Variants in C12orf60 observed in about 807,000 individuals in gnomAD.
C12orf60 encodes chromosome 12 open reading frame 60.
For synonymous variants in C12orf60, 102 were observed against 94.6 expected (o/e 1.08, Z -0.45); for missense variants, 284 against 283.2 (o/e 1.00, Z -0.02).
intron 1 of C12orf60, among the ~76,000 whole-genome samples, chr12:14,815,555 G>A (rs1279183107): frequency 6.6e-6 from 1 of 152,090 alleles, no homozygotes; most frequent in Admixed American, 6.6e-5. Flanking sequence ...TGTCATGCTA[G>A]GAAATTGTAT....
In C12orf60 at chr12:14,806,464, T is replaced by C. The variant is rs1172534202; in HGVS notation, c.-25+2713T>C. The C allele has an allele frequency of 1.4e-5, 22 of 1,614,056 alleles. No homozygotes were observed. The highest frequency in any genetic ancestry group is 1.9e-5 in the Non-Finnish European group (22 of 1,180,042). On this transcript the variant is annotated intron_variant, in intron 1 of 1. Coordinates refer to ENST00000330828, the MANE Select transcript of C12orf60 (RefSeq NM_175874.4). ...TGCAATTCCTTTTGGATTTTCATAA[T>C]GGCTTGGATGATGAGGTCACAGTTT...
At position 14,823,116 on chromosome 12, in the gene C12orf60, G is replaced by GA. The variant is rs755243589; in HGVS notation, c.182dup (p.Gln62AlafsTer7). 6.2e-7 allele frequency: 1 copy of GA among 1,613,768 alleles called. No homozygotes were observed. Among genetic ancestry groups the GA allele is most frequent in the African/African-American group, 1.3e-5 (1 of 74,958 alleles). On this transcript the variant is annotated frameshift_variant, in exon 2 of 2. Coordinates refer to ENST00000330828, the MANE Select transcript of C12orf60 (RefSeq NM_175874.4). LOFTEE classifies it low-confidence loss of function (END_TRUNC). ...CAATAGTTACATTAAGGATTTTTTT[G>GA]AGCAAATGCTCAAAATTTTTAAGGA...
chr12:14,814,753 A>T (rs1950191234), intron 1 of C12orf60, among the ~76,000 whole-genome samples: 2 of 152,178 alleles, frequency 1.3e-5, no homozygotes, highest in South Asian at 4.1e-4. Context: ...CTGAAAGCTC[A>T]GATCAGTCTT....
intron 1 of C12orf60, chr12:14,806,827 G>A: frequency 1.2e-6 from 1 of 846,874 alleles, no homozygotes; most frequent in South Asian, 1.9e-5. Context: ...TAATTCCTCA[G>A]AACACTCAAC....
At chr12:14,811,001 A>G (rs953198388) in intron 1 of C12orf60, among the ~76,000 whole-genome samples, 6 of 152,184 alleles carry the variant, frequency 3.9e-5, no homozygotes, top group African/African-American at 1.4e-4. Flanking sequence ...TACTTTCTCC[A>G]TCTTATTCCA....
chr12:14,816,746 CTTTT>C (rs11430871), intron 1 of C12orf60, among the ~76,000 whole-genome samples: 2 of 138,024 alleles, frequency 1.4e-5, no homozygotes, highest in Non-Finnish European at 3.1e-5. Flanking sequence ...TATATTTTCT[CTTTT>C]TTTTTTTTTT....
At chr12:14,820,772 A>G (rs1950294132) in intron 1 of C12orf60, among the ~76,000 whole-genome samples, 1 of 152,082 alleles carries the variant, frequency 6.6e-6, no homozygotes, top group Admixed American at 6.6e-5. Flanking sequence ...AGGAGTACTG[A>G]CATCTTAGCA....
At chr12:14,817,225 G>C (rs191195264) in intron 1 of C12orf60, among the ~76,000 whole-genome samples, 2 of 152,146 alleles carry the variant, frequency 1.3e-5, no homozygotes, top group East Asian at 3.9e-4. Context: ...GTTAATTTAT[G>C]TATGTGTATG....
intron 1 of C12orf60, among the ~76,000 whole-genome samples, chr12:14,819,580 C>T (rs114416080): frequency 0.016 from 2,480 of 152,184 alleles, 63 homozygotes; most frequent in African/African-American, 0.056. Flanking sequence ...GTGAACATAC[C>T]TGACTAATTC....
At chr12:14,809,066 G>A (rs575233036) in intron 1 of C12orf60, among the ~76,000 whole-genome samples, 1 of 152,272 alleles carries the variant, frequency 6.6e-6, no homozygotes, top group South Asian at 2.1e-4. Flanking sequence ...TGACTGACAG[G>A]AGAAAATTAG....
chr12:14,817,526 T>G (rs1950240554), intron 1 of C12orf60, among the ~76,000 whole-genome samples: 1 of 152,170 alleles, frequency 6.6e-6, no homozygotes, highest in Non-Finnish European at 1.5e-5. Flanking sequence ...TTCCCTTCTC[T>G]GTGTTCATGT....
At chr12:14,812,043 T>C (rs1052920230) in intron 1 of C12orf60, among the ~76,000 whole-genome samples, 5 of 152,254 alleles carry the variant, frequency 3.3e-5, no homozygotes, top group Admixed American at 1.3e-4. Context: ...ATTTTTGTTA[T>C]TCTTTTTCAA....
chr12:14,821,724 C>G (rs552203815), intron 1 of C12orf60, among the ~76,000 whole-genome samples: 441 of 152,122 alleles, frequency 2.9e-3, no homozygotes, highest in South Asian at 0.017. Context: ...TGGTCTGCCA[C>G]CTGCTGTTTG....
intron 1 of C12orf60, among the ~76,000 whole-genome samples, chr12:14,820,705 TG>T (rs1477408652): frequency 1.3e-5 from 2 of 152,114 alleles, no homozygotes; most frequent in East Asian, 1.9e-4. Flanking sequence ...TTTACATATA[TG>T]AAAAAAACTG....
chr12:14,809,414 A>AT lies in C12orf60; in HGVS notation c.-25+5664dup, dbSNP rs374006238. On this transcript the variant is annotated intron_variant, in intron 1 of 1. Coordinates refer to ENST00000330828, the MANE Select transcript of C12orf60 (RefSeq NM_175874.4). ...CTTCTCCCCCCAGTATTAAAACACCATAAAAACAAAATAGTAAACAGTATG... is the reference window on the plus strand; with the variant it reads ...CTTCTCCCCCCAGTATTAAAACACCATTAAAAACAAAATAGTAAACAGTATG... Among the ~76,000 whole-genome samples the AT allele has an allele frequency of 2.0e-4, 30 of 152,308 alleles. 1 individual carries two copies. The highest frequency in any genetic ancestry group is 7.2e-4 in the African/African-American group (30 of 41,578).
chr12:14,822,540 T>G (rs1950323011), intron 1 of C12orf60, among the ~76,000 whole-genome samples: 1 of 152,154 alleles, frequency 6.6e-6, no homozygotes, highest in African/African-American at 2.4e-5. Context: ...TTAGTCTACC[T>G]TAACTGGAAC....
chr12:14,810,508 C>T (rs1350083485), intron 1 of C12orf60, among the ~76,000 whole-genome samples: 2 of 152,124 alleles, frequency 1.3e-5, no homozygotes, highest in Non-Finnish European at 2.9e-5. Context: ...ATGGTCCTTG[C>T]TTTTTTGGAA....
intron 1 of C12orf60, among the ~76,000 whole-genome samples, chr12:14,817,650 G>A (rs1950241639): frequency 6.6e-6 from 1 of 152,166 alleles, no homozygotes; most frequent in Non-Finnish European, 1.5e-5. Context: ...TCCCTGCAAA[G>A]GACATGATCT....
At chr12:14,817,071 C>T (rs7312579) in intron 1 of C12orf60, among the ~76,000 whole-genome samples, 22,907 of 151,960 alleles carry the variant, frequency 0.15, 2,019 homozygotes, top group Non-Finnish European at 0.2. Flanking sequence ...CCACCATGCC[C>T]GGCCAATTTA....
Sources: gnomAD v4.1 joint callset for allele counts (sites outside exome capture counted in the v4.1 genomes callset) on GRCh38, gnomAD v4.1.1 for gene constraint, MANE v1.5 for transcripts, NCBI Gene and HGNC (gene_info 2026-07-23, HGNC 2026-07-21) for gene names.